SHC3: variants seen among roughly 807,000 people sequenced by gnomAD.
The protein encoded by SHC3 is SHC adaptor protein 3, also known as SHC-transforming protein 3.
In SHC3, 15 loss-of-function variants were observed where a neutral mutation model predicts 60.4. That is an observed-to-expected ratio of 0.25 (90% confidence interval 0.17 to 0.38). The LOEUF (loss-of-function observed/expected upper bound fraction) is 0.38, where lower values mean the gene tolerates loss of function less well. SHC3 is among the 10% of genes least tolerant of loss of function. The pLI is 1.00. For synonymous variants in SHC3, 294 were observed against 325.9 expected (o/e 0.90, Z 1.05); for missense variants, 677 against 786.1 (o/e 0.86, Z 1.66).
intron 2 of SHC3, among the ~76,000 whole-genome samples, chr9:89,078,488 C>G (rs936221135): frequency 6.6e-6 from 1 of 152,134 alleles, no homozygotes; most frequent in African/African-American, 2.4e-5. Flanking sequence ...ATGTGCAGGG[C>G]AGTTCCATGG....
Position 89,094,343 on chromosome 9 carries a change from G to A in SHC3, c.546-16440C>T, listed in dbSNP as rs143683052. Among the ~76,000 whole-genome samples the A allele has an allele frequency of 6.8e-3, 1,035 of 152,252 alleles. 5 individuals carry two copies. Among genetic ancestry groups the A allele is most frequent in the Middle Eastern group, 0.02 (6 of 294 alleles). ...TGGTCAGGGAAGAAGAGTTGCCCAC[G>A]TTCTCAGGGGATGAATGTGAGCATC... On this transcript the variant is annotated intron_variant, in intron 2 of 11. Transcript: ENST00000375835.
Position 89,178,300 on chromosome 9 carries a change from C to A in SHC3, c.161G>T (p.Arg54Leu). The A allele has an allele frequency of 6.3e-7, 1 of 1,577,460 alleles. No homozygotes were observed. Among genetic ancestry groups the A allele is most frequent in the Non-Finnish European group, 8.6e-7 (1 of 1,164,336 alleles). ...APYLVSGEAL[R>L]KAPDDGPGSL... ...GCCGGGCCCATCGTCGGGCGCCTTG[C>A]GCAGCGCCTCGCCGGACACCAAGTA... Residue 54 changes from arginine to leucine, a missense_variant, in exon 1 of 12, where the codon CGC becomes CTC. Physicochemically the swap from Arg to Leu is moderately radical, Grantham distance 102. Transcript: ENST00000375835. This position sits in a 1 kb window ranked among gnomAD's most constrained non-coding sequence, Gnocchi z 6.9.
Position 89,077,888 on chromosome 9 carries a change from G to A in SHC3, c.561C>T (p.Arg187=), listed in dbSNP as rs940345621. 17 of 1,614,068 alleles carry A rather than the reference G, an allele frequency of 1.1e-5. No homozygotes were observed. The highest frequency in any genetic ancestry group is 6.7e-5 in the Admixed American group (4 of 60,000). Residue 187 remains arginine (R), a synonymous_variant, in exon 3 of 12, where the codon CGC becomes CGT. Coordinates refer to ENST00000375835, the MANE Select transcript of SHC3 (RefSeq NM_016848.6). Reference sequence around the variant, plus strand: ...TCGCACCAGGCACAGCTTCACAGACGCGGCTGATGGCTTCCCTTAGGACAG... The same window carrying A: ...TCGCACCAGGCACAGCTTCACAGACACGGCTGATGGCTTCCCTTAGGACAG... ...RTQITREAIS[R]VCEAVPGAKG...
At chr9:89,042,343 G>T (rs994536542) in intron 9 of SHC3, among the ~76,000 whole-genome samples, 159 bp from the exon 10 acceptor site, 3 of 152,206 alleles carry the variant, frequency 2.0e-5, no homozygotes, top group Non-Finnish European at 4.4e-5. Context: ...ACCACACACT[G>T]CTGTGACCCA....
chr9:89,165,260 T>TTGTGTGTGTGTGTGTG (rs10626309), intron 1 of SHC3, among the ~76,000 whole-genome samples: 62 of 148,632 alleles, frequency 4.2e-4, no homozygotes, highest in Middle Eastern at 3.4e-3. Context: ...AAAGACGTGT[T>TTGTGTGTGTGTGTGTG]TGTGTGTGTG....
Position 89,046,920 on chromosome 9 carries a change from G to A in SHC3, c.1037C>T (p.Pro346Leu), listed in dbSNP as rs1824784577. Reference sequence around the variant, plus strand: ...GCCCCCTGGAGGAGGCATCTTGCTTGGGATGCTGTTGTAGTATGGGTGGTC... The same window carrying A: ...GCCCCCTGGAGGAGGCATCTTGCTTAGGATGCTGTTGTAGTATGGGTGGTC... ...GSDHPYYNSI[P>L]SKMPPPGGFL... The change falls in exon 8 of 12, where the codon CCA becomes CTA. Residue 346 changes from proline to leucine, a missense_variant. Physicochemically the swap from Pro to Leu is moderately conservative, Grantham distance 98. Transcript: ENST00000375835. The A allele has an allele frequency of 1.2e-6, 2 of 1,611,442 alleles. No individual in the cohort carries two copies. The highest frequency in any genetic ancestry group is 1.7e-6 in the Non-Finnish European group (2 of 1,178,952).
At chr9:89,044,893 T>C (rs1470756832) in intron 9 of SHC3, among the ~76,000 whole-genome samples, 1 of 152,202 alleles carries the variant, frequency 6.6e-6, no homozygotes, top group African/African-American at 2.4e-5. Context: ...TCTGAGAGTA[T>C]CCAGGGCCTG....
intron 8 of SHC3, among the ~76,000 whole-genome samples, chr9:89,046,098 G>T (rs980742256): frequency 1.1e-4 from 14 of 127,264 alleles, no homozygotes; most frequent in African/African-American, 4.3e-4. Flanking sequence ...CCCGAAGTGT[G>T]ACTGTAAATC....
chr9:89,162,855 G>A (rs1359256411), intron 1 of SHC3, among the ~76,000 whole-genome samples: 2 of 144,678 alleles, frequency 1.4e-5, no homozygotes, highest in African/African-American at 5.2e-5. Flanking sequence ...CTGACAAAGG[G>A]CTAATATCCA....
chr9:89,103,665 A>G (rs915557344), intron 2 of SHC3, among the ~76,000 whole-genome samples: 5 of 152,232 alleles, frequency 3.3e-5, no homozygotes, highest in Non-Finnish European at 1.5e-5. Flanking sequence ...ATTTGTCAAC[A>G]TGTTTGAGCT....
At position 89,020,508 on chromosome 9, in the gene SHC3, C is replaced by T. The variant is rs139445699; in HGVS notation, c.1657-6933G>A. ...GTGAGGGCTCCTCCTCTGGCTGTGACGTACGTCCATGTCAAAGCAGGACAA... is the reference window on the plus strand; with the variant it reads ...GTGAGGGCTCCTCCTCTGGCTGTGATGTACGTCCATGTCAAAGCAGGACAA... On this transcript the variant is annotated intron_variant, in intron 11 of 11. Transcript: ENST00000375835. 3.3e-5 allele frequency among the ~76,000 whole-genome samples: 5 copies of T among 152,206 alleles called. No homozygotes were observed. In the East Asian group the frequency reaches 7.7e-4, roughly 24 times the overall value.
chr9:89,101,581 T>A (rs995245128), intron 2 of SHC3, among the ~76,000 whole-genome samples: 3 of 151,812 alleles, frequency 2.0e-5, no homozygotes, highest in Non-Finnish European at 4.4e-5. Context: ...TGTCAAAGGC[T>A]TTTCTGTATC....
At chr9:89,131,351 C>T (rs886657018) in intron 1 of SHC3, among the ~76,000 whole-genome samples, 1 of 152,192 alleles carries the variant, frequency 6.6e-6, no homozygotes, top group Admixed American at 6.5e-5. Flanking sequence ...TGTTACCATT[C>T]CTTCTGAAAC....
In SHC3 at chr9:89,084,900, G is replaced by A. The variant is rs138141439; in HGVS notation, c.546-6997C>T. On this transcript the variant is annotated intron_variant, in intron 2 of 11. Transcript: ENST00000375835. Reference sequence around the variant, plus strand: ...AAGGCGCTGGACCCATGAGGGGCTGGACTGGGTTGGATGGGGCTGCCCAAT... The same window carrying A: ...AAGGCGCTGGACCCATGAGGGGCTGAACTGGGTTGGATGGGGCTGCCCAAT... 2.0e-3 allele frequency among the ~76,000 whole-genome samples: 304 copies of A among 152,322 alleles called. 3 individuals carry two copies. The highest frequency in any genetic ancestry group is 6.5e-3 in the African/African-American group (269 of 41,574).
chr9:89,064,995 A>G (rs1343337114), intron 6 of SHC3, among the ~76,000 whole-genome samples: 1 of 152,182 alleles, frequency 6.6e-6, no homozygotes, highest in Non-Finnish European at 1.5e-5. Flanking sequence ...CACCTTGGTC[A>G]GTCCCAGCCA....
intron 1 of SHC3, among the ~76,000 whole-genome samples, chr9:89,168,967 C>G (rs559376012): frequency 6.6e-6 from 1 of 152,232 alleles, no homozygotes; most frequent in African/African-American, 2.4e-5. Context: ...TTTCCTGGGT[C>G]TCAAGCAGGA....
At chr9:89,033,565 C>T (rs1344156597) in intron 11 of SHC3, among the ~76,000 whole-genome samples, 1 of 152,142 alleles carries the variant, frequency 6.6e-6, no homozygotes, top group Non-Finnish European at 1.5e-5. Flanking sequence ...AACTCTTAAC[C>T]TGTAAAAGCC....
At position 89,097,106 on chromosome 9, in the gene SHC3, G is replaced by GA. The variant is rs10523898; in HGVS notation, c.545+15449dup. The stretch of plus-strand genomic sequence containing the variant: ...GCGCCCAGAAGGTGCTCGCTCTCAT[G>GA]AAAAAAAAAAAAAAAAAAAAAAAAA... On this transcript the variant is annotated intron_variant, in intron 2 of 11. Coordinates refer to ENST00000375835, the MANE Select transcript of SHC3 (RefSeq NM_016848.6). Among the ~76,000 whole-genome samples the GA allele has an allele frequency of 4.4e-4, 36 of 81,098 alleles. 1 individual carries two copies. Among genetic ancestry groups the GA allele is most frequent in the Non-Finnish European group, 7.4e-4 (31 of 42,176 alleles). 53.2% of individuals were successfully genotyped at this position (81,098 alleles called of 152,430 possible). A position where few individuals can be genotyped will look rare whatever the true frequency, so the allele number is the denominator to read the frequency against.
chr9:89,109,410 C>A, intron 2 of SHC3: 1 of 983,500 alleles, frequency 1.0e-6, no homozygotes, highest in Non-Finnish European at 1.2e-6. Context: ...AGAGTTGGGA[C>A]GGAATGTACA....
Sources: gnomAD v4.1 joint callset for allele counts (sites outside exome capture counted in the v4.1 genomes callset) on GRCh38, gnomAD v4.1.1 for gene constraint, Gnocchi (gnomAD v3.1) non-coding constraint, MANE v1.5 for transcripts, NCBI Gene and HGNC (gene_info 2026-07-23, HGNC 2026-07-21) for gene names.